The following WFIKKN2 variants were observed in gnomAD, a reference collection of about 807,000 sequenced individuals.
The protein encoded by WFIKKN2 is WAP, follistatin/kazal, immunoglobulin, kunitz and netrin domain containing 2.
Under a neutral mutation model 39.2 loss-of-function variants are expected in WFIKKN2, and 25 were observed. The ratio of observed to expected loss-of-function variants is 0.64; its 90% CI spans 0.47 to 0.89. WFIKKN2 has a LOEUF of 0.89. Ranked by LOEUF, WFIKKN2 falls within the 40% of genes least tolerant of loss-of-function variation. WFIKKN2 has a pLI of 0.00. For missense variants in WFIKKN2, 770 were observed against 811.7 expected, an observed-to-expected ratio of 0.95 and a Z score of 0.62; for synonymous variants, 345 against 329.7, an observed-to-expected ratio of 1.05 and a Z score of -0.50.
At chr17:50,836,240 G>A in intron 1 of WFIKKN2, 93 bp downstream of exon 1, 2 of 1,442,354 alleles carry the variant, frequency 1.4e-6, no homozygotes, top group Non-Finnish European at 1.9e-6. Flanking sequence ...GGAGTGTGAG[G>A]AGGACAACGT....
rs749972667 is a variant in WFIKKN2, at chr17:50,840,443, G to C, written c.1155G>C (p.Ala385=). 3 of 1,613,836 alleles carry C rather than the reference G, an allele frequency of 1.9e-6. No homozygotes were observed. In the South Asian group the frequency reaches 3.3e-5, roughly 18 times the overall value. The change falls in exon 2 of 2, where the codon GCG becomes GCC. Residue 385 remains alanine, a synonymous_variant. Transcript: ENST00000311378. ...CCTGCATGAGCGGGCCGCTGGCCGCGTGCAGCCTGCCCGCCCTGCAGGGGC... is the reference window on the plus strand; with the variant it reads ...CCTGCATGAGCGGGCCGCTGGCCGCCTGCAGCCTGCCCGCCCTGCAGGGGC... The part of the protein sequence containing the change: ...MLACMSGPLA[A]CSLPALQGPC...
At position 50,835,720 on chromosome 17, in the gene WFIKKN2, C is replaced by T; in HGVS notation, c.-218C>T. On this transcript the variant is annotated 5_prime_UTR_variant, in exon 1 of 2. Coordinates refer to ENST00000311378, the MANE Select transcript of WFIKKN2 (RefSeq NM_175575.6). The stretch of plus-strand genomic sequence containing the variant: ...CTGCACACTCAGGAGAGGGAGCTTC[C>T]TTCTAAAGACCTTTCTTTTATCTGA... 1 of 582,600 alleles carries T rather than the reference C, an allele frequency of 1.7e-6. No homozygotes were observed. Among genetic ancestry groups the T allele is most frequent in the Non-Finnish European group, 3.0e-6 (1 of 334,150 alleles). 36.1% of individuals were successfully genotyped at this position (582,600 alleles called of 1,614,324 possible). A position where few individuals can be genotyped will look rare whatever the true frequency, so the allele number is the denominator to read the frequency against.
Position 50,840,589 on chromosome 17 carries a change from A to T in WFIKKN2, c.1301A>T (p.Glu434Val). 1 of 1,613,978 alleles carries T rather than the reference A, an allele frequency of 6.2e-7. No homozygotes were observed. Among genetic ancestry groups the T allele is most frequent in the African/African-American group, 1.3e-5 (1 of 75,042 alleles). Residue 434 changes from glutamate (E) to valine (V), a missense_variant, in exon 2 of 2, where the codon GAG (glutamate) becomes GTG (valine). Coordinates refer to ENST00000311378, the MANE Select transcript of WFIKKN2 (RefSeq NM_175575.6). ...NNFESREACEESCPFPRGNQR... is the reference protein window; with the variant it reads ...NNFESREACEVSCPFPRGNQR... ...TTTGAGAGCCGTGAGGCCTGTGAGG[A>T]GTCGTGCCCCTTCCCCAGGGGGAAC... is the stretch of plus-strand genomic sequence containing the variant.
Position 50,841,290 on chromosome 17 carries a change from T to G in WFIKKN2, c.*271T>G. The G allele has an allele frequency of 3.0e-6, 1 of 334,878 alleles. No individual in the cohort carries two copies. The highest frequency in any genetic ancestry group is 5.5e-6 in the Non-Finnish European group (1 of 183,198). The allele number at this position is 334,878 out of a possible 1,614,324, so 20.7% of individuals were successfully genotyped here. ...TCGTGACCACCAGCTTGCTCAGATA[T>G]TCTCCTCCTCCCCTCACTGGCCCCA... is the stretch of plus-strand genomic sequence containing the variant. On this transcript the variant is annotated 3_prime_UTR_variant, in exon 2 of 2. Transcript: ENST00000311378.
Position 50,839,697 on chromosome 17 carries a change from C to A in WFIKKN2, c.409C>A (p.Arg137Ser). ...CCAGCCCGTGTGTAAGTGCAAAGAC[C>A]GCTGTGAGAAGGAGCCCAGCTTTAC... ...DGQPVCKCKDRCEKEPSFTCA... is the reference protein window; with the variant it reads ...DGQPVCKCKDSCEKEPSFTCA... The change falls in exon 2 of 2, where the codon CGC (arginine) becomes AGC (serine). Residue 137 changes from arginine to serine, a missense_variant. Arg to Ser is a moderately radical substitution (Grantham distance 110). Coordinates refer to ENST00000311378, the MANE Select transcript of WFIKKN2 (RefSeq NM_175575.6). 6.2e-7 allele frequency: 1 copy of A among 1,614,244 alleles called. No individual in the cohort carries two copies. Among genetic ancestry groups the A allele is most frequent in the Non-Finnish European group, 8.5e-7 (1 of 1,180,050 alleles).
At chr17:50,836,485 G>A (rs1342462407) in intron 1 of WFIKKN2, among the ~76,000 whole-genome samples, 1 of 151,806 alleles carries the variant, frequency 6.6e-6, no homozygotes, top group Non-Finnish European at 1.5e-5. Flanking sequence ...CGGACCAGGT[G>A]AGTGGGGTCC....
At position 50,840,465 on chromosome 17, in the gene WFIKKN2, G is replaced by T. The variant is rs774643906; in HGVS notation, c.1177G>T (p.Gly393Trp). Residue 393 changes from glycine to tryptophan, a missense_variant, in exon 2 of 2, where the codon GGG becomes TGG. By Grantham distance (184) the Gly-to-Trp change is radical. Transcript: ENST00000311378. ...CGCGTGCAGCCTGCCCGCCCTGCAG[G>T]GGCCCTGCAAAGCCTACGCGCCTCG... Reference protein sequence around the residue: ...LAACSLPALQGPCKAYAPRWA... With the variant: ...LAACSLPALQWPCKAYAPRWA... The T allele has an allele frequency of 7.4e-6, 12 of 1,613,844 alleles. No homozygotes were observed. The highest frequency in any genetic ancestry group is 1.0e-5 in the Non-Finnish European group (12 of 1,179,928).
In WFIKKN2 at chr17:50,840,214, A is replaced by T; in HGVS notation, c.926A>T (p.Gln309Leu). The T allele has an allele frequency of 6.2e-7, 1 of 1,613,768 alleles. No homozygotes were observed. Among genetic ancestry groups the T allele is most frequent in the Non-Finnish European group, 8.5e-7 (1 of 1,179,996 alleles). Residue 309 changes from glutamine to leucine, a missense_variant, in exon 2 of 2, where the codon CAG becomes CTG. Physicochemically the swap from Gln to Leu is moderately radical, Grantham distance 113. Transcript: ENST00000311378. The part of the protein sequence containing the change: ...DFPLSVVRGH[Q>L]AAATSESSPN... ...CCGCTGTCGGTGGTCAGGGGTCATC[A>T]GGCTGCAGCCACCTCAGAGAGCAGC...
Position 50,841,138 on chromosome 17 carries a change from C to A in WFIKKN2, c.*119C>A, listed in dbSNP as rs181069107. Reference sequence around the variant, plus strand: ...CTTGGGACAGCAGGGAAACATCAACCGACGTGTCACAGAAAAAGCCACAGA... The same window carrying A: ...CTTGGGACAGCAGGGAAACATCAACAGACGTGTCACAGAAAAAGCCACAGA... On this transcript the variant is annotated 3_prime_UTR_variant, in exon 2 of 2. Transcript: ENST00000311378. 2 of 1,044,566 alleles carry A rather than the reference C, an allele frequency of 1.9e-6. No individual in the cohort carries two copies. Among genetic ancestry groups the A allele is most frequent in the African/African-American group, 1.6e-5 (1 of 62,682 alleles). The allele number at this position is 1,044,566 out of a possible 1,614,324, so 64.7% of individuals were successfully genotyped here.
chr17:50,836,027 G>A lies in WFIKKN2; in HGVS notation c.90G>A (p.Pro30=), dbSNP rs143085480. ...LLLLLLLGVP[P]RSLALPPIRY... ...TGCTGCTACTGCTCGGGGTGCCCCC[G>A]CGAAGCCTGGCGCTGCCGCCCATCC... The change falls in exon 1 of 2, where the codon CCG becomes CCA. Residue 30 remains proline, a synonymous_variant. Coordinates refer to ENST00000311378, the MANE Select transcript of WFIKKN2 (RefSeq NM_175575.6). The A allele has an allele frequency of 8.1e-6, 13 of 1,599,828 alleles. No homozygotes were observed. Among genetic ancestry groups the A allele is most frequent in the African/African-American group, 2.7e-5 (2 of 74,694 alleles).
chr17:50,840,405 G>A lies in WFIKKN2; in HGVS notation c.1117G>A (p.Ala373Thr). The A allele has an allele frequency of 2.5e-6, 4 of 1,614,070 alleles. No individual in the cohort carries two copies. The highest frequency in any genetic ancestry group is 3.4e-6 in the Non-Finnish European group (4 of 1,179,992). Reference protein sequence around the residue: ...RNLNHFETYEACMLACMSGPL... With the variant: ...RNLNHFETYETCMLACMSGPL... ...CCTCAACCACTTTGAGACCTATGAG[G>A]CCTGCATGCTGGCCTGCATGAGCGG... is the stretch of plus-strand genomic sequence containing the variant. Residue 373 changes from alanine to threonine, a missense_variant, in exon 2 of 2, where the codon GCC (alanine) becomes ACC (threonine). Physicochemically the swap from Ala to Thr is moderately conservative, Grantham distance 58. Transcript: ENST00000311378.
chr17:50,840,425 G>A lies in WFIKKN2; in HGVS notation c.1137G>A (p.Met379Ile), dbSNP rs1192877836. 2 of 1,613,982 alleles carry A rather than the reference G, an allele frequency of 1.2e-6. No homozygotes were observed. The highest frequency in any genetic ancestry group is 1.7e-5 in the Admixed American group (1 of 60,030). ...ATGAGGCCTGCATGCTGGCCTGCATGAGCGGGCCGCTGGCCGCGTGCAGCC... is the reference window on the plus strand; with the variant it reads ...ATGAGGCCTGCATGCTGGCCTGCATAAGCGGGCCGCTGGCCGCGTGCAGCC... Reference protein sequence around the residue: ...ETYEACMLACMSGPLAACSLP... With the variant: ...ETYEACMLACISGPLAACSLP... The change falls in exon 2 of 2, where the codon ATG becomes ATA. Residue 379 changes from methionine to isoleucine, a missense_variant. By Grantham distance (10) the Met-to-Ile change is conservative. Transcript: ENST00000311378.
Position 50,839,662 on chromosome 17 carries a change from T to A in WFIKKN2, c.374T>A (p.Ile125Asn). 1 of 1,614,220 alleles carries A rather than the reference T, an allele frequency of 6.2e-7. No homozygotes were observed. The highest frequency in any genetic ancestry group is 8.5e-7 in the Non-Finnish European group (1 of 1,180,044). The change falls in exon 2 of 2, where the codon ATC becomes AAC. Residue 125 changes from isoleucine to asparagine, a missense_variant. Transcript: ENST00000311378. ...CTGCAGCAGGGCTCTGAGTGTGACA[T>A]CTGGGATGGCCAGCCCGTGTGTAAG... ...MCLQQGSECD[I>N]WDGQPVCKCK...
chr17:50,840,722 G>A lies in WFIKKN2; in HGVS notation c.1434G>A (p.Ser478=), dbSNP rs1439923523. ...CTGAGCTGACCGAGGAGCCTGACTC[G>A]GGCCGCGCCCTGGTGACTGTGGATG... ...RVSELTEEPD[S]GRALVTVDEV... is the part of the protein sequence containing the mutation. The change falls in exon 2 of 2, where the codon TCG becomes TCA. Residue 478 remains serine, a synonymous_variant. Transcript: ENST00000311378. The A allele has an allele frequency of 1.7e-5, 27 of 1,613,852 alleles. No homozygotes were observed. The highest frequency in any genetic ancestry group is 4.0e-5 in the African/African-American group (3 of 74,936).
In WFIKKN2 at chr17:50,840,851, C is replaced by A; in HGVS notation, c.1563C>A (p.Thr521=). 2 of 1,611,118 alleles carry A rather than the reference C, an allele frequency of 1.2e-6. No individual in the cohort carries two copies. The highest frequency in any genetic ancestry group is 1.1e-5 in the South Asian group (1 of 91,012). Residue 521 remains threonine (T), a synonymous_variant, in exon 2 of 2, where the codon ACC becomes ACA. Transcript: ENST00000311378. Reference sequence around the variant, plus strand: ...GGGCATGCCCCTGCCCCAACGTGACCGTGAGCGAGATGCCGCTCATCATCA... The same window carrying A: ...GGGCATGCCCCTGCCCCAACGTGACAGTGAGCGAGATGCCGCTCATCATCA... ...VDWACPCPNV[T]VSEMPLIIMG... is the part of the protein sequence containing the mutation.
intron 1 of WFIKKN2, 108 bp downstream of exon 1, chr17:50,836,255 G>T: frequency 1.5e-6 from 2 of 1,334,478 alleles, no homozygotes; most frequent in South Asian, 1.4e-5. Flanking sequence ...CAACGTGAGT[G>T]GGGTCCAGAA....
Position 50,839,846 on chromosome 17 carries a change from CCCA to C in WFIKKN2, c.564_566del (p.Pro189del). The C allele has an allele frequency of 6.2e-7, 1 of 1,614,234 alleles. No homozygotes were observed. The highest frequency in any genetic ancestry group is 8.5e-7 in the Non-Finnish European group (1 of 1,180,032). Reference sequence around the variant, plus strand: ...ACTTCACCTGGCCCAACACCAGCCCCCCACCACCTGAGACCACCATGCACCCCA... The same window carrying C: ...ACTTCACCTGGCCCAACACCAGCCCCCCACCTGAGACCACCATGCACCCCA... On this transcript the variant is annotated inframe_deletion, in exon 2 of 2. Coordinates refer to ENST00000311378, the MANE Select transcript of WFIKKN2 (RefSeq NM_175575.6).
At chr17:50,838,233 C>T (rs1971984407) in intron 1 of WFIKKN2, among the ~76,000 whole-genome samples, 1 of 152,182 alleles carries the variant, frequency 6.6e-6, no homozygotes, top group Non-Finnish European at 1.5e-5. Flanking sequence ...CCTGGTGTGG[C>T]CTAGAAGACT....
chr17:50,839,507 G>T lies in WFIKKN2; in HGVS notation c.219G>T (p.Glu73Asp). ...RRECETDQEC[E>D]TYEKCCPNVC... ...CTCTCTGGCTCTTTCAGGAGTGTGAGACCTATGAGAAGTGCTGCCCCAACG... is the reference window on the plus strand; with the variant it reads ...CTCTCTGGCTCTTTCAGGAGTGTGATACCTATGAGAAGTGCTGCCCCAACG... Residue 73 changes from glutamate (E) to aspartate (D), a missense_variant, in exon 2 of 2, where the codon GAG becomes GAT. By Grantham distance (45) the Glu-to-Asp change is conservative. Transcript: ENST00000311378. 1 of 1,612,380 alleles carries T rather than the reference G, an allele frequency of 6.2e-7. No homozygotes were observed. The highest frequency in any genetic ancestry group is 1.1e-5 in the South Asian group (1 of 90,874).
Sources: gnomAD v4.1 joint callset for allele counts (sites outside exome capture counted in the v4.1 genomes callset) on GRCh38, gnomAD v4.1.1 for gene constraint, MANE v1.5 for transcripts, NCBI Gene and HGNC (gene_info 2026-07-23, HGNC 2026-07-21) for gene names.